UPK1B: variants seen among roughly 807,000 people sequenced by gnomAD.
UPK1B encodes uroplakin 1B.
A neutral mutation model predicts 34.2 loss-of-function variants in UPK1B; 28 were observed. The ratio of observed to expected loss-of-function variants is 0.82; its 90% confidence interval spans 0.61 to 1.12. The LOEUF is 1.12. UPK1B is among the 50% of genes most tolerant of loss of function. UPK1B has a pLI of 0.00. For missense variants in UPK1B, 325 were observed against 320.9 expected, an observed-to-expected ratio of 1.01 and a Z score of -0.10; for synonymous variants, 81 against 110.4, an observed-to-expected ratio of 0.73 and a Z score of 1.67.
At chr3:119,191,651 C>T (rs551411081) in intron 5 of UPK1B, among the ~76,000 whole-genome samples, 1 of 152,320 alleles carries the variant, frequency 6.6e-6, no homozygotes, top group South Asian at 2.1e-4. Flanking sequence ...CATCAGCAAA[C>T]TCCCTTATAG....
chr3:119,179,398 T>TATATATATATATATATA lies in UPK1B; in HGVS notation c.-29+5760_-29+5761insATATATATATATATATA, dbSNP rs71156734. Among the ~76,000 whole-genome samples, 19 of 58,902 alleles carry TATATATATATATATATA rather than the reference T, an allele frequency of 3.2e-4. 1 individual carries two copies. The highest frequency in any genetic ancestry group is 8.3e-4 in the Admixed American group (4 of 4,822). 38.6% of individuals were successfully genotyped at this position (58,902 alleles called of 152,430 possible). A position where few individuals can be genotyped will look rare whatever the true frequency, so the allele number is the denominator to read the frequency against. ...ATATATATATATATATATATATATA[T>TATATATATATATATATA]TAATTCTAAGGAATTAACCTATGTG... On this transcript the variant is annotated intron_variant, in intron 1 of 7. Transcript: ENST00000264234.
chr3:119,191,481 G>A (rs56397355), intron 5 of UPK1B, among the ~76,000 whole-genome samples: 58,169 of 151,654 alleles, frequency 0.38, 12,033 homozygotes, highest in Non-Finnish European at 0.45. Context: ...TTTATCTCCA[G>A]TGCCATCAAA....
At chr3:119,203,885 T>G in intron 7 of UPK1B, 32 bp from the exon 8 acceptor site, 1 of 1,603,734 alleles carries the variant, frequency 6.2e-7, no homozygotes, top group Non-Finnish European at 8.5e-7. Flanking sequence ...AACAATCCCT[T>G]GTTTATTTTT....
intron 5 of UPK1B, 42 bp from the exon 6 acceptor site, chr3:119,194,177 G>C (rs1271125823): frequency 6.2e-7 from 1 of 1,600,542 alleles, no homozygotes; most frequent in African/African-American, 1.3e-5. Context: ...GGCTCTAGTA[G>C]GGACCACGAA....
chr3:119,179,352 G>GAGATAT (rs2077974640), intron 1 of UPK1B, among the ~76,000 whole-genome samples: 1 of 46,888 alleles, frequency 2.1e-5, no homozygotes, highest in Middle Eastern at 9.3e-3. Flanking sequence ...GAGAGAGGGA[G>GAGATAT]ATATATATAT....
At position 119,203,497 on chromosome 3, in the gene UPK1B, C is replaced by T. The variant is rs150407304; in HGVS notation, c.733-420C>T. Among the ~76,000 whole-genome samples, 1,097 of 152,108 alleles carry T rather than the reference C, an allele frequency of 7.2e-3. 9 individuals are homozygous for T. Among genetic ancestry groups the T allele is most frequent in the African/African-American group, 0.026 (1,065 of 41,476 alleles). On this transcript the variant is annotated intron_variant, in intron 7 of 7. Transcript: ENST00000264234. ...AAAAAGGAATGAGATCATGTTTTTGCAGGGACATGGATGAAGCTGGAAGTC... is the reference window on the plus strand; with the variant it reads ...AAAAAGGAATGAGATCATGTTTTTGTAGGGACATGGATGAAGCTGGAAGTC...
Position 119,204,074 on chromosome 3 carries a change from G to GTT in UPK1B, c.*108_*109insTT. The GTT allele has an allele frequency of 3.9e-6, 5 of 1,280,648 alleles. No homozygotes were observed. In the South Asian group the frequency reaches 6.1e-5, roughly 16 times the overall value. The allele number at this position is 1,280,648 out of a possible 1,614,324, so 79.3% of individuals were successfully genotyped here. On this transcript the variant is annotated 3_prime_UTR_variant, in exon 8 of 8. Coordinates refer to ENST00000264234, the MANE Select transcript of UPK1B (RefSeq NM_006952.4). ...GTTTGTGCCCCACACTAACGTGTGT[G>GTT]TCTTACATTGCCAAGTCAGATGGTA...
Position 119,194,229 on chromosome 3 carries a change from G to A in UPK1B, c.479G>A (p.Cys160Tyr). 1 of 1,613,746 alleles carries A rather than the reference G, an allele frequency of 6.2e-7. No individual in the cohort carries two copies. Among genetic ancestry groups the A allele is most frequent in the Non-Finnish European group, 8.5e-7 (1 of 1,179,808 alleles). The change falls in exon 6 of 8, where the codon TGT becomes TAT. Residue 160 changes from cysteine to tyrosine, a missense_variant. Transcript: ENST00000264234. ...WDRLMLQDNC[C>Y]GVNGPSDWQK... is the part of the protein sequence containing the mutation. Reference sequence around the variant, plus strand: ...CTCATCTGCTGACAGGACAATTGCTGTGGCGTAAATGGTCCATCAGACTGG... The same window carrying A: ...CTCATCTGCTGACAGGACAATTGCTATGGCGTAAATGGTCCATCAGACTGG...
In UPK1B at chr3:119,205,131, G is replaced by C. The variant is rs540883134; in HGVS notation, c.*1164G>C. ...TTGTCTGGTCTTATAAGTAAAGACAGCTTTAAAATCTGTTCACTTTCATTT... is the reference window on the plus strand; with the variant it reads ...TTGTCTGGTCTTATAAGTAAAGACACCTTTAAAATCTGTTCACTTTCATTT... On this transcript the variant is annotated 3_prime_UTR_variant, in exon 8 of 8. Coordinates refer to ENST00000264234, the MANE Select transcript of UPK1B (RefSeq NM_006952.4). The C allele has an allele frequency of 4.6e-5, 7 of 152,318 alleles. No homozygotes were observed. The highest frequency in any genetic ancestry group is 4.6e-4 in the Admixed American group (7 of 15,298). 9.4% of individuals were successfully genotyped at this position (152,318 alleles called of 1,614,324 possible).
chr3:119,198,120 G>T (rs2078074982), intron 6 of UPK1B, among the ~76,000 whole-genome samples: 1 of 146,734 alleles, frequency 6.8e-6, no homozygotes, highest in African/African-American at 2.5e-5. Context: ...TATAGGGAAG[G>T]ATCCTTCTTA....
chr3:119,181,938 G>A (rs1284097701), intron 1 of UPK1B, among the ~76,000 whole-genome samples: 1 of 152,194 alleles, frequency 6.6e-6, no homozygotes, highest in East Asian at 1.9e-4. Context: ...GGGAGAAAGT[G>A]GCCCCAGGAC....
In UPK1B at chr3:119,181,045, T is replaced by C. The variant is rs985595662; in HGVS notation, c.-28-5669T>C. Among the ~76,000 whole-genome samples the C allele has an allele frequency of 2.0e-5, 3 of 152,236 alleles. No individual in the cohort carries two copies. In the East Asian group the frequency reaches 5.8e-4, roughly 29 times the overall value. ...AGTTTTTCAACATCACTTTTGAGTG[T>C]CCTCTTACTTCTTGGGTAACTGTCT... is the stretch of plus-strand genomic sequence containing the variant. On this transcript the variant is annotated intron_variant, in intron 1 of 7. Coordinates refer to ENST00000264234, the MANE Select transcript of UPK1B (RefSeq NM_006952.4).
intron 1 of UPK1B, among the ~76,000 whole-genome samples, chr3:119,185,149 A>G (rs1358727178): frequency 6.6e-6 from 1 of 152,240 alleles, no homozygotes; most frequent in Non-Finnish European, 1.5e-5. Context: ...TTCTCCAGCA[A>G]ACATGAATTG....
chr3:119,199,050 C>T lies in UPK1B; in HGVS notation c.649-7C>T. 6.2e-7 allele frequency: 1 copy of T among 1,614,064 alleles called. No individual in the cohort carries two copies. Among genetic ancestry groups the T allele is most frequent in the Non-Finnish European group, 8.5e-7 (1 of 1,179,958 alleles). ...TCACACTAATGTGGAATTGCCCACTCCTTCAGGGCTGCTATGAACTGATCT... is the reference window on the plus strand; with the variant it reads ...TCACACTAATGTGGAATTGCCCACTTCTTCAGGGCTGCTATGAACTGATCT... On this transcript the variant is annotated splice_region_variant and splice_polypyrimidine_tract_variant and intron_variant, in intron 6 of 7. Transcript: ENST00000264234.
intron 1 of UPK1B, among the ~76,000 whole-genome samples, chr3:119,185,339 T>C (rs551752328): frequency 6.6e-6 from 1 of 152,308 alleles, no homozygotes; most frequent in East Asian, 1.9e-4. Context: ...TTGAGACAAA[T>C]AGAAGGTTTG....
chr3:119,189,861 G>C (rs1442333737), intron 3 of UPK1B, among the ~76,000 whole-genome samples: 4 of 152,214 alleles, frequency 2.6e-5, no homozygotes, highest in Admixed American at 6.5e-5. Context: ...GATACACTAA[G>C]ACTCTCTTGC....
intron 1 of UPK1B, among the ~76,000 whole-genome samples, chr3:119,182,887 G>C (rs1353243126): frequency 6.6e-6 from 1 of 152,196 alleles, no homozygotes; most frequent in Non-Finnish European, 1.5e-5. Flanking sequence ...GTAGGTGGAT[G>C]AGCTGTAGAT....
chr3:119,182,664 C>G (rs566701037), intron 1 of UPK1B, among the ~76,000 whole-genome samples: 1 of 152,216 alleles, frequency 6.6e-6, no homozygotes, highest in Admixed American at 6.5e-5. Flanking sequence ...CACCATTATA[C>G]TACAGATATT....
At chr3:119,200,916 T>C (rs1457608690) in intron 7 of UPK1B, among the ~76,000 whole-genome samples, 1 of 152,266 alleles carries the variant, frequency 6.6e-6, no homozygotes, top group Non-Finnish European at 1.5e-5. Flanking sequence ...GACTGTTTTA[T>C]GAATGAATAC....
Sources: allele counts gnomAD v4.1 joint callset (sites outside exome capture counted in the v4.1 genomes callset), GRCh38; gene constraint gnomAD v4.1.1; transcripts MANE v1.5; gene names NCBI Gene and HGNC (gene_info 2026-07-23, HGNC 2026-07-21).